Variants in GABRA2 observed in about 807,000 individuals in gnomAD.
GABRA2 encodes gamma-aminobutyric acid receptor subunit alpha-2.
A neutral mutation model predicts 48.7 loss-of-function variants in GABRA2; 16 were observed. That is an observed-to-expected ratio of 0.33 (90% confidence interval 0.22 to 0.50). The LOEUF (loss-of-function observed/expected upper bound fraction) is 0.50, where lower values mean the gene tolerates loss of function less well. Ranked by LOEUF, GABRA2 falls within the 20% of genes least tolerant of loss-of-function variation. The probability of loss-of-function intolerance (pLI) is 0.98; values close to 1 mark genes in which losing one functional copy is unlikely to be tolerated. For missense variants in GABRA2, 275 were observed against 535.6 expected (o/e 0.51, Z 4.80); for synonymous variants, 185 against 184.5 (o/e 1.00, Z -0.02).
intron 2 of GABRA2, among the ~76,000 whole-genome samples, chr4:46,388,107 C>G (rs1237099288): frequency 6.6e-6 from 1 of 151,856 alleles, no homozygotes; most frequent in African/African-American, 2.4e-5. Context: ...ATTAATAAAT[C>G]TAGCTTTTGT....
chr4:46,345,441 G>C (rs184949376), intron 3 of GABRA2, among the ~76,000 whole-genome samples: 3 of 151,938 alleles, frequency 2.0e-5, no homozygotes, highest in African/African-American at 7.2e-5. Context: ...CTCTGGTGGT[G>C]AGGGTAGACT....
chr4:46,294,989 A>G (rs1724366694), intron 8 of GABRA2, among the ~76,000 whole-genome samples: 1 of 152,180 alleles, frequency 6.6e-6, no homozygotes, highest in South Asian at 2.1e-4. Context: ...AGTGACTCAA[A>G]TGCCTATGGT....
intron 8 of GABRA2, among the ~76,000 whole-genome samples, chr4:46,297,256 C>A (rs1724898456): frequency 6.6e-6 from 1 of 151,804 alleles, no homozygotes; most frequent in Non-Finnish European, 1.5e-5. Context: ...GCTGCCAGTG[C>A]AGCCAGAATA....
At chr4:46,288,837 G>C (rs992410991) in intron 8 of GABRA2, among the ~76,000 whole-genome samples, 32 of 151,826 alleles carry the variant, frequency 2.1e-4, no homozygotes, top group African/African-American at 7.8e-4. Flanking sequence ...CTAACATCCA[G>C]CATCTATAAG....
intron 5 of GABRA2, 110 bp from the exon 6 acceptor site, chr4:46,310,365 A>G (rs2109676712): frequency 4.8e-6 from 3 of 622,384 alleles, no homozygotes; most frequent in South Asian, 4.8e-5. Flanking sequence ...TCACAGCAGT[A>G]GGCTCATTCA....
chr4:46,349,322 T>C lies in GABRA2; in HGVS notation c.188-16640A>G, dbSNP rs531673731. Reference sequence around the variant, plus strand: ...GGCTTTTATGTAGGGAATCTGTTTTTATCTCCTTGTTGGATATCATATTAT... The same window carrying C: ...GGCTTTTATGTAGGGAATCTGTTTTCATCTCCTTGTTGGATATCATATTAT... On this transcript the variant is annotated intron_variant, in intron 3 of 9. Coordinates refer to ENST00000381620, the MANE Select transcript of GABRA2 (RefSeq NM_000807.4). 8.5e-4 allele frequency among the ~76,000 whole-genome samples: 130 copies of C among 152,108 alleles called. 1 individual carries two copies. Among genetic ancestry groups the C allele is most frequent in the African/African-American group, 3.1e-3 (128 of 41,534 alleles).
intron 4 of GABRA2, among the ~76,000 whole-genome samples, chr4:46,313,590 T>TCG (rs397735109): frequency 1.5e-5 from 2 of 130,368 alleles, no homozygotes; most frequent in Admixed American, 7.0e-5. Flanking sequence ...TCTCTCTCTC[T>TCG]TTACCTCTCT....
intron 3 of GABRA2, among the ~76,000 whole-genome samples, chr4:46,359,930 A>C (rs887293870): frequency 9.9e-5 from 15 of 151,884 alleles, no homozygotes; most frequent in African/African-American, 3.6e-4. Context: ...AAACAAAAAA[A>C]AAAAAGAATT....
intron 8 of GABRA2, among the ~76,000 whole-genome samples, chr4:46,284,856 G>C (rs911933304): frequency 2.6e-5 from 4 of 151,590 alleles, no homozygotes; most frequent in Non-Finnish European, 4.4e-5. Flanking sequence ...AAACTTGTGT[G>C]GATTACCCAC....
rs776228313 is a variant in GABRA2 at position 46,369,039 on chromosome 4, G to A, written c.187+17035C>T. The A allele has an allele frequency of 7.2e-6, 5 of 698,220 alleles. No individual in the cohort carries two copies. The South Asian group carries it at 7.4e-5, about 10-fold the overall frequency. The allele number at this position is 698,220 out of a possible 1,614,324, so 43.3% of individuals were successfully genotyped here. Reference sequence around the variant, plus strand: ...AGAAGAAAGCTATTAAAGATGCTGAGCAAAATAATTACATAATCAAATCTA... The same window carrying A: ...AGAAGAAAGCTATTAAAGATGCTGAACAAAATAATTACATAATCAAATCTA... On this transcript the variant is annotated intron_variant, in intron 3 of 9. Coordinates refer to ENST00000381620, the MANE Select transcript of GABRA2 (RefSeq NM_000807.4).
intron 8 of GABRA2, among the ~76,000 whole-genome samples, chr4:46,298,916 G>A (rs1242412084): frequency 2.6e-5 from 4 of 151,394 alleles, no homozygotes; most frequent in African/African-American, 7.3e-5. Flanking sequence ...TAATACCTAG[G>A]TTTAATTGCT....
chr4:46,257,987 C>T lies in GABRA2; in HGVS notation c.1059+3939G>A, dbSNP rs79526700. On this transcript the variant is annotated intron_variant, in intron 9 of 9. Coordinates refer to ENST00000381620, the MANE Select transcript of GABRA2 (RefSeq NM_000807.4). ...AGATATAAAATCTATTTTATTTTAT[C>T]CTTTCTAAAACAGATATTGTTATAT... Among the ~76,000 whole-genome samples, 529 of 151,640 alleles carry T rather than the reference C, an allele frequency of 3.5e-3. 8 individuals carry two copies. In the East Asian group the frequency reaches 0.036, roughly 10 times the overall value.
At chr4:46,378,827 CAAA>C (rs113954847) in intron 3 of GABRA2, among the ~76,000 whole-genome samples, 1 of 138,272 alleles carries the variant, frequency 7.2e-6, no homozygotes. Flanking sequence ...GATTCTGCCT[CAAA>C]AAAAAAAAAA....
At chr4:46,265,348 T>C (rs976709532) in intron 8 of GABRA2, among the ~76,000 whole-genome samples, 1 of 64,916 alleles carries the variant, frequency 1.5e-5, no homozygotes, top group Middle Eastern at 0.011. Flanking sequence ...CCACTTTATA[T>C]ATGTATCTGT....
chr4:46,287,466 C>T (rs1282615634), intron 8 of GABRA2, among the ~76,000 whole-genome samples: 7 of 151,530 alleles, frequency 4.6e-5, no homozygotes, highest in African/African-American at 1.7e-4. Flanking sequence ...ATGATGAGTT[C>T]ATGTCCTTTG....
intron 9 of GABRA2, among the ~76,000 whole-genome samples, chr4:46,253,687 A>C (rs1284428022): frequency 1.3e-5 from 2 of 151,472 alleles, no homozygotes; most frequent in African/African-American, 4.8e-5. Context: ...CCAAGTAAGC[A>C]AAGTACAACA....
chr4:46,299,675 CTTTTT>C (rs200453930), intron 8 of GABRA2, among the ~76,000 whole-genome samples: 11 of 139,444 alleles, frequency 7.9e-5, no homozygotes, highest in Non-Finnish European at 6.3e-5. Flanking sequence ...GGGTTTCTTT[CTTTTT>C]TTTTTTTTTT....
chr4:46,365,990 C>A (rs1308715431), intron 3 of GABRA2: 2 of 152,064 alleles, frequency 1.3e-5, no homozygotes, highest in African/African-American at 4.8e-5. Context: ...TTTATATGAA[C>A]AATTGCATCA....
intron 8 of GABRA2, among the ~76,000 whole-genome samples, chr4:46,271,937 A>T (rs1475647135): frequency 1.3e-5 from 2 of 151,718 alleles, no homozygotes; most frequent in African/African-American, 4.8e-5. Flanking sequence ...CTCTACCTGG[A>T]GTCTTTTCAC....
Sources: allele counts gnomAD v4.1 joint callset (sites outside exome capture counted in the v4.1 genomes callset), GRCh38; gene constraint gnomAD v4.1.1; transcripts MANE v1.5; gene names NCBI Gene and HGNC (gene_info 2026-07-23, HGNC 2026-07-21).